RAD51B: variants seen among roughly 807,000 people sequenced by gnomAD.
The protein encoded by RAD51B is RAD51 paralog B, also known as DNA repair protein RAD51 homolog 2.
Under a neutral mutation model 42.2 loss-of-function variants are expected in RAD51B, and 38 were observed. The observed-to-expected ratio is 0.90, with a 90% confidence interval of 0.70 to 1.18. RAD51B has a LOEUF of 1.18. Ranked by LOEUF, RAD51B falls within the 50% of genes most tolerant of loss-of-function variation. RAD51B has a pLI of 0.00. For synonymous variants in RAD51B, 154 were observed against 145.2 expected, an observed-to-expected ratio of 1.06 and a Z score of -0.43; for missense variants, 373 against 400.7, an observed-to-expected ratio of 0.93 and a Z score of 0.59.
At chr14:67,859,026 T>G (rs896813064) in intron 4 of RAD51B, among the ~76,000 whole-genome samples, 1 of 152,216 alleles carries the variant, frequency 6.6e-6, no homozygotes, top group Non-Finnish European at 1.5e-5. Context: ...AAGAAAATAT[T>G]AAAACTTTTA....
intron 7 of RAD51B, among the ~76,000 whole-genome samples, chr14:68,167,260 A>G (rs2078772117): frequency 6.6e-6 from 1 of 152,150 alleles, no homozygotes; most frequent in African/African-American, 2.4e-5. Context: ...GTTCCAAAAC[A>G]TGCCATGTTG....
intron 9 of RAD51B, among the ~76,000 whole-genome samples, chr14:68,448,699 G>A (rs2842322): frequency 0.32 from 49,091 of 151,920 alleles, 8,636 homozygotes; most frequent in South Asian, 0.55. Flanking sequence ...GCTTTCAGTG[G>A]CACCCAGCTA....
intron 9 of RAD51B, among the ~76,000 whole-genome samples, chr14:68,452,969 T>A (rs935656693): frequency 6.6e-6 from 1 of 152,190 alleles, no homozygotes; most frequent in Non-Finnish European, 1.5e-5. Context: ...TAGCCCCCTA[T>A]AACCATGACT....
intron 7 of RAD51B, among the ~76,000 whole-genome samples, chr14:68,215,541 A>G (rs371253824): frequency 6.6e-6 from 1 of 152,198 alleles, no homozygotes; most frequent in Non-Finnish European, 1.5e-5. Context: ...CCATTTTGAG[A>G]TGAGGAAACT....
In RAD51B at chr14:68,139,412, T is replaced by G. The variant is rs187052419; in HGVS notation, c.757-152472T>G. 1.1e-4 allele frequency among the ~76,000 whole-genome samples: 16 copies of G among 152,330 alleles called. No homozygotes were observed. The East Asian group carries it at 2.5e-3, about 24-fold the overall frequency. The stretch of plus-strand genomic sequence containing the variant: ...CTTAAGAGGACAGTTCTTTGTGTCT[T>G]TGTATAAAATTGTTCTTGTTTTCCT... On this transcript the variant is annotated intron_variant, in intron 7 of 10. Coordinates refer to ENST00000471583, the MANE Select transcript of RAD51B (RefSeq NM_133510.4).
intron 7 of RAD51B, among the ~76,000 whole-genome samples, chr14:68,285,220 G>A (rs2081391122): frequency 6.6e-6 from 1 of 152,146 alleles, no homozygotes; most frequent in African/African-American, 2.4e-5. Context: ...TAAAAGCAAG[G>A]CATTCAGTAA....
intron 5 of RAD51B, among the ~76,000 whole-genome samples, chr14:67,883,004 C>T (rs539712076): frequency 1.1e-4 from 17 of 152,232 alleles, no homozygotes; most frequent in Non-Finnish European, 2.5e-4. Flanking sequence ...CTTGGCCTCC[C>T]AGGGTGCTGG....
intron 10 of RAD51B, among the ~76,000 whole-genome samples, chr14:68,536,950 G>A (rs1289145954): frequency 6.6e-6 from 1 of 151,834 alleles, no homozygotes; most frequent in African/African-American, 2.4e-5. Context: ...GTGTGGTGGT[G>A]AGCATCTATA....
chr14:68,107,177 T>A (rs189951370), intron 7 of RAD51B, among the ~76,000 whole-genome samples: 1 of 151,948 alleles, frequency 6.6e-6, no homozygotes, highest in East Asian at 1.9e-4. Context: ...ATGTGAAGTC[T>A]ATAAACAATT....
At chr14:68,208,021 A>G (rs1323563428) in intron 7 of RAD51B, among the ~76,000 whole-genome samples, 1 of 152,164 alleles carries the variant, frequency 6.6e-6, no homozygotes, top group East Asian at 1.9e-4. Context: ...TAAAGTGCCC[A>G]AGTCTAAGAG....
chr14:67,966,674 A>G (rs2140241377), intron 7 of RAD51B, among the ~76,000 whole-genome samples: 1 of 152,292 alleles, frequency 6.6e-6, no homozygotes. Flanking sequence ...GGCTTATGAA[A>G]TATAGTATTG....
intron 8 of RAD51B, among the ~76,000 whole-genome samples, chr14:68,362,111 A>G (rs567120235): frequency 4.6e-5 from 7 of 152,358 alleles, no homozygotes; most frequent in Admixed American, 1.3e-4. Flanking sequence ...AAAGGTTATA[A>G]GAAGATACCT....
intron 7 of RAD51B, among the ~76,000 whole-genome samples, chr14:68,005,076 A>T (rs1195786901): frequency 1.0e-5 from 1 of 96,698 alleles, no homozygotes; most frequent in Admixed American, 1.5e-4. Flanking sequence ...TTTTTTTGAG[A>T]CAGTGTCTCT....
At chr14:68,485,736 A>G (rs1883574985) in intron 10 of RAD51B, among the ~76,000 whole-genome samples, 1 of 152,226 alleles carries the variant, frequency 6.6e-6, no homozygotes, top group African/African-American at 2.4e-5. Flanking sequence ...TTGACTAAGA[A>G]GTCCCAAATA....
intron 7 of RAD51B, among the ~76,000 whole-genome samples, chr14:67,948,763 C>G (rs1031465933): frequency 4.4e-4 from 67 of 151,466 alleles, no homozygotes; most frequent in African/African-American, 1.6e-3. Context: ...AACCCCGTTT[C>G]TACTAAAAAT....
intron 7 of RAD51B, among the ~76,000 whole-genome samples, chr14:68,040,126 A>G (rs1053798554): frequency 6.6e-6 from 1 of 152,230 alleles, no homozygotes; most frequent in Non-Finnish European, 1.5e-5. Context: ...ACATATATGA[A>G]TAAGGATGAA....
At chr14:68,018,262 T>G (rs2075808844) in intron 7 of RAD51B, among the ~76,000 whole-genome samples, 1 of 152,234 alleles carries the variant, frequency 6.6e-6, no homozygotes, top group Non-Finnish European at 1.5e-5. Flanking sequence ...TGTCCCCTTT[T>G]TAATCAGTAA....
chr14:68,431,569 T>C lies in RAD51B; in HGVS notation c.957+20042T>C, dbSNP rs1257722324. Among the ~76,000 whole-genome samples the C allele has an allele frequency of 4.6e-5, 7 of 152,320 alleles. No individual in the cohort carries two copies. The East Asian group carries it at 7.7e-4, about 17-fold the overall frequency. On this transcript the variant is annotated intron_variant, in intron 9 of 10. Coordinates refer to ENST00000471583, the MANE Select transcript of RAD51B (RefSeq NM_133510.4). ...TGTTTATAGTATTCTCTGATGGTAG[T>C]TTGTATTTCTGTGGGATCAGTGGTG...
At chr14:67,931,209 C>T (rs2044720307) in intron 7 of RAD51B, among the ~76,000 whole-genome samples, 1 of 152,166 alleles carries the variant, frequency 6.6e-6, no homozygotes, top group Non-Finnish European at 1.5e-5. Context: ...GCGTGAGCCA[C>T]CGCGTCCTGC....
Sources: gnomAD v4.1 joint callset for allele counts (sites outside exome capture counted in the v4.1 genomes callset) on GRCh38, gnomAD v4.1.1 for gene constraint, MANE v1.5 for transcripts, NCBI Gene and HGNC (gene_info 2026-07-23, HGNC 2026-07-21) for gene names.